The following ANKS1A variants were observed in gnomAD, a reference collection of about 807,000 sequenced individuals.
The protein encoded by ANKS1A is ankyrin repeat and SAM domain-containing protein 1A.
In ANKS1A, 55 loss-of-function variants were observed where a neutral mutation model predicts 120.3. That is an observed-to-expected ratio of 0.46 (90% CI 0.37 to 0.57). The LOEUF is 0.57. Ranked by LOEUF, ANKS1A falls within the 20% of genes least tolerant of loss-of-function variation. The probability of loss-of-function intolerance (pLI) is 0.00; values close to 1 mark genes in which losing one functional copy is unlikely to be tolerated. For synonymous variants in ANKS1A, 590 were observed against 604.7 expected (o/e 0.98, Z 0.36); for missense variants, 1,123 against 1,480.3 (o/e 0.76, Z 3.96).
chr6:34,924,274 G>C (rs889714343), intron 1 of ANKS1A, among the ~76,000 whole-genome samples: 19 of 152,064 alleles, frequency 1.2e-4, no homozygotes, highest in African/African-American at 4.6e-4. Context: ...TTGTTATGAT[G>C]CATTTATAGG....
At position 35,050,364 on chromosome 6, in the gene ANKS1A, C is replaced by T. The variant is rs1344892589; in HGVS notation, c.2011-3735C>T. Among the ~76,000 whole-genome samples the T allele has an allele frequency of 6.6e-6, 1 of 152,158 alleles. No homozygotes were observed. Among genetic ancestry groups the T allele is most frequent in the East Asian group, 1.9e-4 (1 of 5,196 alleles). Reference sequence around the variant, plus strand: ...CACGTGAAGTGCACTAATAAGGAAGCATGGCCATTTCTCATCTCTCTCCAA... The same window carrying T: ...CACGTGAAGTGCACTAATAAGGAAGTATGGCCATTTCTCATCTCTCTCCAA... On this transcript the variant is annotated intron_variant, in intron 11 of 23. Transcript: ENST00000360359. The surrounding 1 kb of genome is among the most constrained non-coding windows in gnomAD (Gnocchi z 4.3).
intron 1 of ANKS1A, among the ~76,000 whole-genome samples, chr6:34,897,548 T>C (rs944261654): frequency 2.0e-5 from 3 of 152,176 alleles, no homozygotes; most frequent in African/African-American, 7.2e-5. Flanking sequence ...ACTTGGTCTC[T>C]TTTTTGGAGA....
chr6:35,078,773 G>A (rs1277900742), intron 14 of ANKS1A, 117 bp downstream of exon 14: 2 of 884,058 alleles, frequency 2.3e-6, no homozygotes, highest in Admixed American at 4.3e-5. Flanking sequence ...ATCATAGCAG[G>A]ACCTCTACCC....
chr6:34,936,706 C>A (rs541940918), intron 1 of ANKS1A, among the ~76,000 whole-genome samples: 3 of 152,136 alleles, frequency 2.0e-5, no homozygotes, highest in African/African-American at 7.2e-5. Context: ...CAAGGATATT[C>A]GGTTTCCTCA....
chr6:35,060,350 C>T lies in ANKS1A; in HGVS notation c.2184+97C>T, dbSNP rs1561946760. On this transcript the variant is annotated intron_variant, in intron 13 of 23. Transcript: ENST00000360359. The surrounding 1 kb of genome is among the most constrained non-coding windows in gnomAD (Gnocchi z 4.5). ...GGCCCCACAGGAGTCTGCAACAGTA[C>T]GTAGACCCAAATCCCAGGGAAAGCT... is the stretch of plus-strand genomic sequence containing the variant. The T allele has an allele frequency of 1.1e-5, 12 of 1,048,976 alleles. No homozygotes were observed. Among genetic ancestry groups the T allele is most frequent in the Admixed American group, 2.2e-5 (1 of 44,588 alleles). 65.0% of individuals were successfully genotyped at this position (1,048,976 alleles called of 1,614,324 possible). A position where few individuals can be genotyped will look rare whatever the true frequency, so the allele number is the denominator to read the frequency against.
chr6:34,952,998 C>T (rs896483068), intron 1 of ANKS1A, among the ~76,000 whole-genome samples: 3 of 152,184 alleles, frequency 2.0e-5, no homozygotes, highest in Admixed American at 6.5e-5. Context: ...GCGTGAGCCA[C>T]CATGGCCCAG....
At chr6:35,019,780 A>G (rs978695455) in intron 11 of ANKS1A, among the ~76,000 whole-genome samples, 1 of 152,172 alleles carries the variant, frequency 6.6e-6, no homozygotes, top group African/African-American at 2.4e-5. Flanking sequence ...GTGCTCTGAA[A>G]TGGCCATAGA....
At chr6:35,012,973 A>C (rs1416877304) in intron 10 of ANKS1A, among the ~76,000 whole-genome samples, 1 of 152,116 alleles carries the variant, frequency 6.6e-6, no homozygotes, top group African/African-American at 2.4e-5. Context: ...CAACTTCACT[A>C]GTCCCTGGGC....
chr6:35,085,946 C>G lies in ANKS1A; in HGVS notation c.3303+10C>G. On this transcript the variant is annotated intron_variant, in intron 22 of 23. Coordinates refer to ENST00000360359, the MANE Select transcript of ANKS1A (RefSeq NM_015245.3). This position sits in a 1 kb window ranked among gnomAD's most constrained non-coding sequence, Gnocchi z 4.7. Reference sequence around the variant, plus strand: ...CGTGAGGAAATCCGCAGTACGTGGGCCCCACTGGCCAAGATCCCCCTCTCC... The same window carrying G: ...CGTGAGGAAATCCGCAGTACGTGGGGCCCACTGGCCAAGATCCCCCTCTCC... 1 of 1,588,034 alleles carries G rather than the reference C, an allele frequency of 6.3e-7. No individual in the cohort carries two copies.
intron 20 of ANKS1A, among the ~76,000 whole-genome samples, 168 bp downstream of exon 20, chr6:35,083,671 GCTGGC>G (rs891098634): frequency 6.6e-6 from 1 of 152,120 alleles, no homozygotes; most frequent in African/African-American, 2.4e-5. Flanking sequence ...TCTCTCATCT[GCTGGC>G]CTGGGTGCCT....
chr6:35,089,266 G>A lies in ANKS1A; in HGVS notation c.*657G>A, dbSNP rs1386609823. The A allele has an allele frequency of 1.1e-5, 11 of 987,230 alleles. No homozygotes were observed. The highest frequency in any genetic ancestry group is 1.1e-4 in the East Asian group (1 of 8,862). 61.2% of individuals were successfully genotyped at this position (987,230 alleles called of 1,614,324 possible). ...GCACCTGAGCAACTCAAAGGTTTCC[G>A]GTCCATTTCTGGGGTTCCCGATGGG... On this transcript the variant is annotated 3_prime_UTR_variant, in exon 24 of 24. Transcript: ENST00000360359.
At chr6:34,897,273 C>A (rs1231424118) in intron 1 of ANKS1A, among the ~76,000 whole-genome samples, 1 of 152,082 alleles carries the variant, frequency 6.6e-6, no homozygotes, top group Non-Finnish European at 1.5e-5. Context: ...AGCATGTTCA[C>A]GGGTCATAGG....
intron 11 of ANKS1A, 56 bp downstream of exon 11, chr6:35,018,115 C>A (rs1316623975): frequency 1.6e-5 from 24 of 1,544,802 alleles, no homozygotes; most frequent in Admixed American, 3.5e-5. Context: ...CCGCAGCCCA[C>A]CACAGCTCCC....
At chr6:34,927,950 G>A (rs1453663981) in intron 1 of ANKS1A, among the ~76,000 whole-genome samples, 1 of 152,168 alleles carries the variant, frequency 6.6e-6, no homozygotes, top group African/African-American at 2.4e-5. Flanking sequence ...GAATCCAGGA[G>A]CAGTAGGCAA....
intron 1 of ANKS1A, among the ~76,000 whole-genome samples, chr6:34,942,845 C>T (rs1769598171): frequency 6.6e-6 from 1 of 151,498 alleles, no homozygotes; most frequent in African/African-American, 2.4e-5. Flanking sequence ...CCTCCCCATC[C>T]TTCTTTTCTT....
chr6:35,078,633 C>T lies in ANKS1A; in HGVS notation c.2260C>T (p.Gln754Ter). ...SDPQHRRKLL[Q>*]AARSLPKVKA... ...CCCACAGCACCGGCGGAAGCTGCTC[C>T]AGGCGGCACGCTCCCTACCCAAGGT... The change falls in exon 14 of 24, where the codon CAG (glutamine) becomes TAG (stop). Residue 754 changes from glutamine to a stop codon, truncating the protein, a stop_gained. Transcript: ENST00000360359. LOFTEE classifies it high-confidence loss of function. 1.2e-6 allele frequency: 2 copies of T among 1,603,868 alleles called. No individual in the cohort carries two copies. The highest frequency in any genetic ancestry group is 1.7e-6 in the Non-Finnish European group (2 of 1,179,896).
intron 10 of ANKS1A, among the ~76,000 whole-genome samples, chr6:35,008,401 G>C (rs1468547260): frequency 6.6e-6 from 1 of 152,004 alleles, no homozygotes; most frequent in Non-Finnish European, 1.5e-5. Context: ...TTTTAGAGAT[G>C]GGTTCTCACT....
intron 11 of ANKS1A, among the ~76,000 whole-genome samples, chr6:35,049,182 CAGAG>C (rs950463154): frequency 2.6e-5 from 4 of 152,098 alleles, no homozygotes. Context: ...GCCAGCAACT[CAGAG>C]AGTCAGAAAA....
chr6:34,963,614 T>G (rs1246544055), intron 1 of ANKS1A, among the ~76,000 whole-genome samples: 1 of 152,240 alleles, frequency 6.6e-6, no homozygotes. Flanking sequence ...TATACTGATT[T>G]TATTCCGTTT....
Sources: gnomAD v4.1 joint callset for allele counts (sites outside exome capture counted in the v4.1 genomes callset) on GRCh38, gnomAD v4.1.1 for gene constraint, Gnocchi (gnomAD v3.1) non-coding constraint, MANE v1.5 for transcripts, NCBI Gene and HGNC (gene_info 2026-07-23, HGNC 2026-07-21) for gene names.